The following VGLL3 variants were observed in gnomAD, a reference collection of about 807,000 sequenced individuals.
The protein encoded by VGLL3 is transcription cofactor vestigial-like protein 3.
In VGLL3, 18 loss-of-function variants were observed where a neutral mutation model predicts 29.2. That is an observed-to-expected ratio of 0.62 (90% CI 0.43 to 0.91). VGLL3 has a LOEUF of 0.91. Among genes scored for constraint, VGLL3 ranks in the 40% least tolerant of loss-of-function variants. VGLL3 has a pLI of 0.00. For missense variants in VGLL3, 440 were observed against 413.2 expected, an observed-to-expected ratio of 1.06 and a Z score of -0.56; for synonymous variants, 180 against 151.8, an observed-to-expected ratio of 1.19 and a Z score of -1.36.
At chr3:86,947,337 C>T (rs555691704) in intron 3 of VGLL3, among the ~76,000 whole-genome samples, 2 of 152,164 alleles carry the variant, frequency 1.3e-5, no homozygotes, top group South Asian at 2.1e-4. Flanking sequence ...TTTTTATTTG[C>T]TTGGAGTATG....
intron 3 of VGLL3, among the ~76,000 whole-genome samples, chr3:86,950,060 C>T (rs1704586392): frequency 1.3e-5 from 2 of 152,262 alleles, no homozygotes; most frequent in South Asian, 2.1e-4. Flanking sequence ...CACTCTGCTA[C>T]AGGTTCTGCT....
chr3:86,966,378 G>A (rs1014003921), intron 3 of VGLL3, among the ~76,000 whole-genome samples: 1 of 152,026 alleles, frequency 6.6e-6, no homozygotes, highest in Non-Finnish European at 1.5e-5. Context: ...AATTCTGCCT[G>A]ATCAATGATT....
chr3:86,959,243 C>T (rs1704787293), intron 3 of VGLL3, among the ~76,000 whole-genome samples: 1 of 152,080 alleles, frequency 6.6e-6, no homozygotes, highest in Admixed American at 6.6e-5. Context: ...ATTTTACCTG[C>T]CTACATACTG....
chr3:86,968,545 A>C, intron 3 of VGLL3, 45 bp downstream of exon 3: 1 of 1,540,078 alleles, frequency 6.5e-7, no homozygotes, highest in Non-Finnish European at 8.7e-7. Flanking sequence ...CCTTTCTTAA[A>C]TTAACTTTAT....
At chr3:86,980,888 G>C (rs1575878852) in intron 1 of VGLL3, among the ~76,000 whole-genome samples, 1 of 150,470 alleles carries the variant, frequency 6.6e-6, no homozygotes, top group African/African-American at 2.4e-5. Context: ...TGGCATCATT[G>C]TCCACAAGTG....
chr3:86,978,726 T>C lies in VGLL3; in HGVS notation c.203A>G (p.Glu68Gly). 1 of 1,614,022 alleles carries C rather than the reference T, an allele frequency of 6.2e-7. No individual in the cohort carries two copies. Among genetic ancestry groups the C allele is most frequent in the Non-Finnish European group, 8.5e-7 (1 of 1,179,988 alleles). The change falls in exon 2 of 4, where the codon GAG (glutamate) becomes GGG (glycine). Residue 68 changes from glutamate (E) to glycine (G), a missense_variant. Transcript: ENST00000398399. Reference protein sequence around the residue: ...TLPSKQEEEDEEEEEEEKDQP... With the variant: ...TLPSKQEEEDGEEEEEEKDQP... Reference sequence around the variant, plus strand: ...GTCTTTCTCCTCCTCCTCCTCCTCCTCATCCTCCTCCTCTTGTTTGCTGGG... The same window carrying C: ...GTCTTTCTCCTCCTCCTCCTCCTCCCCATCCTCCTCCTCTTGTTTGCTGGG...
chr3:86,980,464 A>G (rs1001198231), intron 1 of VGLL3, among the ~76,000 whole-genome samples: 1 of 152,108 alleles, frequency 6.6e-6, no homozygotes, highest in Non-Finnish European at 1.5e-5. Context: ...TCGTATCAGT[A>G]TGGTTATGAT....
intron 3 of VGLL3, among the ~76,000 whole-genome samples, chr3:86,952,228 A>C (rs1323413043): frequency 6.6e-6 from 1 of 152,206 alleles, no homozygotes; most frequent in African/African-American, 2.4e-5. Flanking sequence ...TGAACTAAGA[A>C]TAAACATAAT....
At position 86,969,075 on chromosome 3, in the gene VGLL3, C is replaced by T; in HGVS notation, c.452G>A (p.Trp151Ter). The stretch of plus-strand genomic sequence containing the variant: ...AGGTGGGGGCTGGTAAGAGCTGGTC[C>T]AAAAGGAAGTTGGGAAACTATTCCG... ...SQRNSFPTSF[W>*]TSSYQPPPAP... Residue 151 changes from tryptophan (W) to a stop codon, truncating the protein, a stop_gained, in exon 3 of 4, where the codon TGG (tryptophan) becomes TAG (stop). Coordinates refer to ENST00000398399, the MANE Select transcript of VGLL3 (RefSeq NM_016206.4). LOFTEE classifies it high-confidence loss of function. 1 of 1,610,376 alleles carries T rather than the reference C, an allele frequency of 6.2e-7. No homozygotes were observed. Among genetic ancestry groups the T allele is most frequent in the Non-Finnish European group, 8.5e-7 (1 of 1,177,468 alleles).
rs1705574808 is a variant in VGLL3 at position 86,990,982 on chromosome 3, T to C, written c.-239A>G. 1.9e-5 allele frequency: 19 copies of C among 1,011,828 alleles called. No individual in the cohort carries two copies. Among genetic ancestry groups the C allele is most frequent in the Non-Finnish European group, 2.3e-5 (19 of 840,316 alleles). 62.7% of individuals were successfully genotyped at this position (1,011,828 alleles called of 1,614,324 possible). On this transcript the variant is annotated 5_prime_UTR_variant, in exon 1 of 4. Coordinates refer to ENST00000398399, the MANE Select transcript of VGLL3 (RefSeq NM_016206.4). ...ATCTTCAGCCCCTCCGGATGTTCCC[T>C]GCCGCGCTTATATAGCGGCTCAGGG...
At chr3:86,978,287 G>T (rs1025152072) in intron 2 of VGLL3, among the ~76,000 whole-genome samples, 2 of 152,194 alleles carry the variant, frequency 1.3e-5, no homozygotes, top group African/African-American at 4.8e-5. Flanking sequence ...ACTCAAGCCG[G>T]TTGTATCACT....
rs1378687451 is a variant in VGLL3, at chr3:86,968,972, A to G, written c.555T>C (p.Ser185=). The G allele has an allele frequency of 6.2e-7, 1 of 1,613,918 alleles. No homozygotes were observed. ...GATGCAGGTTGTGTCCCGGCCAAGG[A>G]CTGGGATCAGCTGCAGAAAAGGTGC... The part of the protein sequence containing the change: ...PPGTFSAADP[S]PWPGHNLHQT... Residue 185 remains serine, a synonymous_variant, in exon 3 of 4, where the codon AGT becomes AGC. Coordinates refer to ENST00000398399, the MANE Select transcript of VGLL3 (RefSeq NM_016206.4).
chr3:86,965,358 C>T (rs767601791), intron 3 of VGLL3, among the ~76,000 whole-genome samples: 3 of 152,124 alleles, frequency 2.0e-5, no homozygotes, highest in Non-Finnish European at 2.9e-5. Context: ...AATATCGATG[C>T]TGAGTTTTCA....
At chr3:86,978,458 G>C in intron 2 of VGLL3, 68 bp downstream of exon 2, 1 of 1,540,704 alleles carries the variant, frequency 6.5e-7, no homozygotes, top group East Asian at 2.3e-5. Flanking sequence ...GTCTCCAGCT[G>C]GAACCTGGTA....
chr3:86,957,020 T>A (rs1365608086), intron 3 of VGLL3, among the ~76,000 whole-genome samples: 2 of 152,140 alleles, frequency 1.3e-5, no homozygotes, highest in East Asian at 1.9e-4. Flanking sequence ...CTTAAAATTT[T>A]TTTTGTTTTA....
chr3:86,963,314 C>A (rs1158947972), intron 3 of VGLL3, among the ~76,000 whole-genome samples: 1 of 152,116 alleles, frequency 6.6e-6, no homozygotes, highest in African/African-American at 2.4e-5. Context: ...GAAAACATTA[C>A]ACAAAGTGAA....
intron 3 of VGLL3, among the ~76,000 whole-genome samples, chr3:86,950,791 T>C (rs1203414395): frequency 6.6e-6 from 1 of 152,250 alleles, no homozygotes; most frequent in South Asian, 2.1e-4. Context: ...TCTCTATATG[T>C]ATCTTTAAAT....
intron 3 of VGLL3, among the ~76,000 whole-genome samples, chr3:86,954,871 G>C (rs1173560882): frequency 6.7e-6 from 1 of 149,904 alleles, no homozygotes; most frequent in Non-Finnish European, 1.5e-5. Flanking sequence ...TCTTCTACAG[G>C]CTTTCTCCCA....
chr3:86,983,136 C>T (rs1705364003), intron 1 of VGLL3, among the ~76,000 whole-genome samples: 3 of 152,126 alleles, frequency 2.0e-5, no homozygotes, highest in South Asian at 2.1e-4. Context: ...AAATGATTAC[C>T]GTGCATATGT....
Sources: allele counts gnomAD v4.1 joint callset (sites outside exome capture counted in the v4.1 genomes callset), GRCh38; gene constraint gnomAD v4.1.1; transcripts MANE v1.5; gene names NCBI Gene and HGNC (gene_info 2026-07-23, HGNC 2026-07-21).